GRHL2: variants seen among roughly 807,000 people sequenced by gnomAD.
The protein encoded by GRHL2 is grainyhead-like protein 2 homolog.
In GRHL2, 21 loss-of-function variants were observed where a neutral mutation model predicts 83.8. That is an observed-to-expected ratio of 0.25 (90% CI 0.18 to 0.36). The LOEUF is 0.36. GRHL2 is among the 10% of genes least tolerant of loss of function. The pLI is 1.00. For synonymous variants in GRHL2, 280 were observed against 278.9 expected, an observed-to-expected ratio of 1.00 and a Z score of -0.04; for missense variants, 623 against 781.8, an observed-to-expected ratio of 0.80 and a Z score of 2.42.
rs761410828 is a variant in GRHL2, at chr8:101,558,523, A to C, written c.389A>C (p.His130Pro). The C allele has an allele frequency of 6.2e-7, 1 of 1,614,092 alleles. No individual in the cohort carries two copies. The part of the protein sequence containing the change: ...VPVNLSLNQD[H>P]LENSKREQYS... ...GTGAACCTTTCCCTAAATCAAGATCACCTGGAGAATTCCAAGCGGGAACAG... is the reference window on the plus strand; with the variant it reads ...GTGAACCTTTCCCTAAATCAAGATCCCCTGGAGAATTCCAAGCGGGAACAG... The change falls in exon 4 of 16, where the codon CAC (histidine) becomes CCC (proline). Residue 130 changes from histidine to proline, a missense_variant. Coordinates refer to ENST00000646743, the MANE Select transcript of GRHL2 (RefSeq NM_024915.4).
intron 1 of GRHL2, among the ~76,000 whole-genome samples, chr8:101,507,839 G>T (rs1215869557): frequency 1.5e-5 from 2 of 134,294 alleles, no homozygotes; most frequent in Non-Finnish European, 3.1e-5. Flanking sequence ...GTGCAGTGGT[G>T]CAGTCTCAGC....
intron 1 of GRHL2, among the ~76,000 whole-genome samples, chr8:101,519,759 T>A (rs1329773645): frequency 6.6e-6 from 1 of 152,178 alleles, no homozygotes; most frequent in Non-Finnish European, 1.5e-5. Flanking sequence ...TATATGTATA[T>A]GTGCATGTAT....
intron 14 of GRHL2, among the ~76,000 whole-genome samples, chr8:101,657,570 G>A (rs1460391891): frequency 6.6e-6 from 1 of 152,194 alleles, no homozygotes; most frequent in Admixed American, 6.5e-5. Flanking sequence ...GCCGGGCGTA[G>A]TGGCTCACGC....
In GRHL2 at chr8:101,619,707, GA is replaced by G; in HGVS notation, c.1257+11del. The G allele has an allele frequency of 6.2e-7, 1 of 1,604,618 alleles. No individual in the cohort carries two copies. The highest frequency in any genetic ancestry group is 1.3e-5 in the African/African-American group (1 of 74,832). On this transcript the variant is annotated intron_variant, in intron 9 of 15. Coordinates refer to ENST00000646743, the MANE Select transcript of GRHL2 (RefSeq NM_024915.4). The stretch of plus-strand genomic sequence containing the variant: ...GGTCTTCTGTGACAAAGTGAGTAAA[GA>G]TGACAGTTTTTTATAAAGGTATCTT...
At chr8:101,554,664 T>C (rs1041630049) in intron 3 of GRHL2, among the ~76,000 whole-genome samples, 13 of 152,348 alleles carry the variant, frequency 8.5e-5, no homozygotes, top group African/African-American at 2.9e-4. Flanking sequence ...TATGTTAATA[T>C]AGTATCATTA....
chr8:101,590,103 G>A (rs1812249248), intron 7 of GRHL2, among the ~76,000 whole-genome samples: 1 of 152,054 alleles, frequency 6.6e-6, no homozygotes, highest in South Asian at 2.1e-4. Flanking sequence ...TCAAAAAATG[G>A]TGGCCATTAT....
In GRHL2 at chr8:101,636,963, A is replaced by G. The variant is rs115164415; in HGVS notation, c.1517+35A>G. The G allele has an allele frequency of 9.0e-4, 1,446 of 1,602,076 alleles. 13 individuals carry two copies. In the African/African-American group the frequency reaches 0.015, roughly 16 times the overall value. The stretch of plus-strand genomic sequence containing the variant: ...TCAGTTCTTTCATTTCAACACTCCA[A>G]GTCAGCTCATGTCAGTGGTAATGGC... On this transcript the variant is annotated intron_variant, in intron 12 of 15. Coordinates refer to ENST00000646743, the MANE Select transcript of GRHL2 (RefSeq NM_024915.4).
intron 14 of GRHL2, 62 bp from the exon 15 acceptor site, chr8:101,664,392 C>A: frequency 8.2e-7 from 1 of 1,218,140 alleles, no homozygotes; most frequent in Non-Finnish European, 1.2e-6. Context: ...TGGAACTTTC[C>A]CCCTTGCCTC....
In GRHL2 at chr8:101,576,468, C is replaced by T. The variant is rs145768736; in HGVS notation, c.892-940C>T. 4.8e-3 allele frequency among the ~76,000 whole-genome samples: 735 copies of T among 152,288 alleles called. 4 individuals carry two copies. The highest frequency in any genetic ancestry group is 0.014 in the Middle Eastern group (4 of 294). On this transcript the variant is annotated intron_variant, in intron 6 of 15. Transcript: ENST00000646743. Reference sequence around the variant, plus strand: ...TTCCTGGACTCAAGAGATCTTCCCCCCTCAGTTTCCCAAAGTGTTGGGATT... The same window carrying T: ...TTCCTGGACTCAAGAGATCTTCCCCTCTCAGTTTCCCAAAGTGTTGGGATT...
chr8:101,680,448 G>C, the GRHL2 span, among the ~76,000 whole-genome samples: 1 of 148,330 alleles, frequency 6.7e-6, no homozygotes, highest in African/African-American at 2.5e-5. Flanking sequence ...GACCTACAAA[G>C]AGACTTAGAC....
At chr8:101,590,535 C>T (rs1316542685) in intron 7 of GRHL2, among the ~76,000 whole-genome samples, 1 of 152,030 alleles carries the variant, frequency 6.6e-6, no homozygotes, top group South Asian at 2.1e-4. Flanking sequence ...CTAGCAGGGC[C>T]CAGTTCTCTT....
At chr8:101,563,687 G>A (rs1447405984) in intron 4 of GRHL2, among the ~76,000 whole-genome samples, 1 of 151,480 alleles carries the variant, frequency 6.6e-6, no homozygotes, top group Non-Finnish European at 1.5e-5. Flanking sequence ...GCATCATATT[G>A]CTTAAAATAG....
At chr8:101,507,663 T>C (rs1274184249) in intron 1 of GRHL2, among the ~76,000 whole-genome samples, 1 of 152,034 alleles carries the variant, frequency 6.6e-6, no homozygotes, top group Non-Finnish European at 1.5e-5. Context: ...AATGGCCCAA[T>C]AGTTTTACAC....
At position 101,649,445 on chromosome 8, in the gene GRHL2, T is replaced by A. The variant is rs1813577270; in HGVS notation, c.1644T>A (p.Asp548Glu). The change falls in exon 14 of 16, where the codon GAT becomes GAA. Residue 548 changes from aspartate (D) to glutamate (E), a missense_variant. Asp to Glu is a conservative substitution (Grantham distance 45, BLOSUM62 2). Around this residue, in one of 8 missense-constraint regions of GRHL2, gnomAD observed 210 missense variants for 254.8 expected, o/e 0.82. Transcript: ENST00000646743. Reference sequence around the variant, plus strand: ...TGTACGTGAGGAAGGAGACTGACGATGTGTTCGATGCATTGATGTTGAAGT... The same window carrying A: ...TGTACGTGAGGAAGGAGACTGACGAAGTGTTCGATGCATTGATGTTGAAGT... ...VLLYVRKETDDVFDALMLKSP... is the reference protein window; with the variant it reads ...VLLYVRKETDEVFDALMLKSP... The A allele has an allele frequency of 1.2e-6, 2 of 1,614,078 alleles. No individual in the cohort carries two copies. Among genetic ancestry groups the A allele is most frequent in the South Asian group, 2.2e-5 (2 of 91,062 alleles).
chr8:101,541,854 G>A (rs1483957407), intron 1 of GRHL2, among the ~76,000 whole-genome samples: 3 of 152,276 alleles, frequency 2.0e-5, no homozygotes, highest in East Asian at 1.9e-4. Flanking sequence ...TGCAAGGCTG[G>A]CTTGGTTAGG....
downstream of GRHL2, among the ~76,000 whole-genome samples, chr8:101,672,715 ACTC>A (rs1377888750): frequency 6.6e-6 from 1 of 151,638 alleles, no homozygotes; most frequent in Non-Finnish European, 1.5e-5. Context: ...TCACAAAGAT[ACTC>A]CTCGAGAAGA....
rs551282320 is a variant in GRHL2 at position 101,641,586 on chromosome 8, A to G, written c.1518-2545A>G. 2.6e-5 allele frequency among the ~76,000 whole-genome samples: 4 copies of G among 152,218 alleles called. No individual in the cohort carries two copies. In the East Asian group the frequency reaches 5.8e-4, roughly 22 times the overall value. On this transcript the variant is annotated intron_variant, in intron 12 of 15. Coordinates refer to ENST00000646743, the MANE Select transcript of GRHL2 (RefSeq NM_024915.4). ...TGTTTTTCCAATGAAACTTAGCACT[A>G]CCTTTATACCTCAGGGACTTGATTT...
rs555035882 is a variant in GRHL2, at chr8:101,624,018, A to G, written c.1257+4321A>G. Among the ~76,000 whole-genome samples the G allele has an allele frequency of 2.2e-3, 339 of 150,828 alleles. 1 individual carries two copies. Among genetic ancestry groups the G allele is most frequent in the African/African-American group, 7.9e-3 (322 of 40,810 alleles). On this transcript the variant is annotated intron_variant, in intron 9 of 15. Coordinates refer to ENST00000646743, the MANE Select transcript of GRHL2 (RefSeq NM_024915.4). ...AGGACAGTACACAGTAGGACAGTAC[A>G]CAGTAGGACAGTTCACAGTACACAG...
At chr8:101,621,409 G>A (rs1256574543) in intron 9 of GRHL2, among the ~76,000 whole-genome samples, 1 of 152,106 alleles carries the variant, frequency 6.6e-6, no homozygotes, top group Non-Finnish European at 1.5e-5. Flanking sequence ...GAAAAGAGAT[G>A]AGATGGAACT....
Sources: gnomAD v4.1 joint callset for allele counts (sites outside exome capture counted in the v4.1 genomes callset) on GRCh38, gnomAD v4.1.1 for gene constraint, gnomAD v4.1.1 regional missense constraint, MANE v1.5 for transcripts, NCBI Gene and HGNC (gene_info 2026-07-23, HGNC 2026-07-21) for gene names.